The following RBFOX3 variants were observed in gnomAD, a reference collection of about 807,000 sequenced individuals.
RBFOX3 encodes RNA binding protein fox-1 homolog 3.
In RBFOX3, 17 loss-of-function variants were observed where a neutral mutation model predicts 48.7. The observed-to-expected ratio is 0.35, with a 90% CI of 0.24 to 0.52. The LOEUF (loss-of-function observed/expected upper bound fraction) is 0.52, where lower values mean the gene tolerates loss of function less well. RBFOX3 is among the 20% of genes least tolerant of loss of function. RBFOX3 has a pLI of 0.94. For missense variants in RBFOX3, 382 were observed against 497.5 expected, an observed-to-expected ratio of 0.77 and a Z score of 2.21; for synonymous variants, 212 against 209.5, an observed-to-expected ratio of 1.01 and a Z score of -0.10.
intron 2 of RBFOX3, among the ~76,000 whole-genome samples, chr17:79,408,521 C>A (rs370650703): frequency 6.6e-6 from 1 of 152,192 alleles, no homozygotes; most frequent in Non-Finnish European, 1.5e-5. Context: ...TTAAAGACAG[C>A]GACCTCCGAA....
intron 2 of RBFOX3, among the ~76,000 whole-genome samples, chr17:79,380,499 C>A (rs1428650593): frequency 6.6e-6 from 1 of 151,516 alleles, no homozygotes; most frequent in African/African-American, 2.4e-5. Flanking sequence ...GGCTGCACAA[C>A]CCCTGGGGTC....
chr17:79,583,385 G>A (rs2093141209), intron 1 of RBFOX3, among the ~76,000 whole-genome samples: 1 of 152,222 alleles, frequency 6.6e-6, no homozygotes, highest in Non-Finnish European at 1.5e-5. Context: ...AGGTCGAAGG[G>A]CCCCTGACCT....
chr17:79,541,807 T>C (rs2089735338), intron 1 of RBFOX3, among the ~76,000 whole-genome samples: 1 of 152,170 alleles, frequency 6.6e-6, no homozygotes, highest in Non-Finnish European at 1.5e-5. Context: ...TTCATCTCAC[T>C]GACAGAGTCC....
intron 2 of RBFOX3, among the ~76,000 whole-genome samples, chr17:79,325,828 G>A (rs890126386): frequency 6.6e-6 from 1 of 152,118 alleles, no homozygotes; most frequent in African/African-American, 2.4e-5. Context: ...ATTACAGGGC[G>A]AGGCTGTGCG....
In RBFOX3 at chr17:79,477,257, T is replaced by TAAAAA. The variant is rs138984353; in HGVS notation, c.-175+5192_-175+5196dup. 8.8e-6 allele frequency among the ~76,000 whole-genome samples: 1 copy of TAAAAA among 113,342 alleles called. No individual in the cohort carries two copies. The highest frequency in any genetic ancestry group is 3.5e-5 in the African/African-American group (1 of 28,558). The allele number at this position is 113,342 out of a possible 152,430, so 74.4% of individuals were successfully genotyped here. ...CAAAAAAAAATAAATAAAGATAAAT[T>TAAAAA]AAAAAAAAAAAAAAAAAAAGAGGGC... On this transcript the variant is annotated intron_variant, in intron 2 of 14. Transcript: ENST00000693108. The surrounding 1 kb of genome is among the most constrained non-coding windows in gnomAD (Gnocchi z 4.8).
chr17:79,639,718 A>G, the RBFOX3 span, among the ~76,000 whole-genome samples: 1 of 152,250 alleles, frequency 6.6e-6, no homozygotes, highest in East Asian at 1.9e-4. Context: ...TACTACATTA[A>G]CAGAATGAAA....
At chr17:79,451,613 G>A (rs1386202390) in intron 2 of RBFOX3, among the ~76,000 whole-genome samples, 1 of 152,232 alleles carries the variant, frequency 6.6e-6, no homozygotes, top group African/African-American at 2.4e-5. Context: ...ATCACAGTAA[G>A]TTACCCTCAA....
At position 79,371,690 on chromosome 17, in the gene RBFOX3, G is replaced by A. The variant is rs115686145; in HGVS notation, c.-174-63866C>T. ...CCAGGACACCCCCAGCAGCCCTCAC[G>A]CTCTTTCCTCTTCTCGAAAATGTGG... On this transcript the variant is annotated intron_variant, in intron 2 of 14. Coordinates refer to ENST00000693108, the MANE Select transcript of RBFOX3 (RefSeq NM_001350451.2). 3.2e-3 allele frequency among the ~76,000 whole-genome samples: 480 copies of A among 152,254 alleles called. 3 individuals carry two copies. The highest frequency in any genetic ancestry group is 0.011 in the African/African-American group (455 of 41,544).
chr17:79,174,325 CAG>C (rs1285482650), intron 4 of RBFOX3, among the ~76,000 whole-genome samples: 1 of 146,822 alleles, frequency 6.8e-6, no homozygotes, highest in Admixed American at 6.7e-5. Context: ...CACATGCACA[CAG>C]ACACACGCAC....
At chr17:79,493,795 A>G (rs1412981485) in intron 1 of RBFOX3, among the ~76,000 whole-genome samples, 1 of 152,192 alleles carries the variant, frequency 6.6e-6, no homozygotes, top group Non-Finnish European at 1.5e-5. Context: ...AAAGATAAAA[A>G]CCCTGAGTTT....
At chr17:79,441,208 G>A (rs918497135) in intron 2 of RBFOX3, among the ~76,000 whole-genome samples, 1 of 152,254 alleles carries the variant, frequency 6.6e-6, no homozygotes, top group Non-Finnish European at 1.5e-5. Context: ...GCGTGAGAAG[G>A]AGCAGGTGTG....
intron 2 of RBFOX3, among the ~76,000 whole-genome samples, chr17:79,438,830 A>T (rs1199862103): frequency 6.6e-6 from 1 of 152,220 alleles, no homozygotes; most frequent in Non-Finnish European, 1.5e-5. Context: ...GGAGGGATGA[A>T]ATCTGGAAGT....
At chr17:79,431,281 G>T (rs2068396264) in intron 2 of RBFOX3, among the ~76,000 whole-genome samples, 1 of 152,114 alleles carries the variant, frequency 6.6e-6, no homozygotes, top group Non-Finnish European at 1.5e-5. Context: ...GTTCCTAGGG[G>T]AAACACATGG....
At chr17:79,282,253 G>A (rs145090237) in intron 3 of RBFOX3, among the ~76,000 whole-genome samples, 119 of 152,260 alleles carry the variant, frequency 7.8e-4, no homozygotes, top group African/African-American at 2.5e-3. Flanking sequence ...TTGAGAACAC[G>A]GCCACGAAAG....
intron 4 of RBFOX3, among the ~76,000 whole-genome samples, chr17:79,221,751 G>T (rs1218247118): frequency 6.6e-6 from 1 of 152,236 alleles, no homozygotes; most frequent in African/African-American, 2.4e-5. Flanking sequence ...GGGGTCGGTG[G>T]CTGGAGCCTC....
At chr17:79,150,686 A>C (rs1047441760) in intron 4 of RBFOX3, among the ~76,000 whole-genome samples, 2 of 152,054 alleles carry the variant, frequency 1.3e-5, no homozygotes, top group Non-Finnish European at 2.9e-5. Flanking sequence ...TTCACCTCCC[A>C]TCTCCTCCTT....
At chr17:79,262,298 G>T (rs1036840580) in intron 3 of RBFOX3, among the ~76,000 whole-genome samples, 1 of 152,216 alleles carries the variant, frequency 6.6e-6, no homozygotes, top group African/African-American at 2.4e-5. Context: ...GCCATGGGGG[G>T]CCCCGGACAG....
At chr17:79,638,495 G>A in the RBFOX3 span, among the ~76,000 whole-genome samples, 1 of 152,120 alleles carries the variant, frequency 6.6e-6, no homozygotes, top group Non-Finnish European at 1.5e-5. Context: ...TAGAAGAAAT[G>A]CATAAATTTT....
chr17:79,096,241 G>A (rs1427248322), intron 12 of RBFOX3, among the ~76,000 whole-genome samples: 1 of 152,134 alleles, frequency 6.6e-6, no homozygotes, highest in Admixed American at 6.5e-5. Flanking sequence ...ATCAAGGGGG[G>A]TAGGCCCTGG....
Sources: allele counts gnomAD v4.1 joint callset (sites outside exome capture counted in the v4.1 genomes callset), GRCh38; gene constraint gnomAD v4.1.1; non-coding constraint Gnocchi (gnomAD v3.1); transcripts MANE v1.5; gene names NCBI Gene and HGNC (gene_info 2026-07-23, HGNC 2026-07-21).